Variants in TASP1 observed in about 807,000 individuals in gnomAD.
TASP1 encodes threonine aspartase 1.
TASP1 carries 16 observed loss-of-function variants against 56.6 expected under a neutral mutation model. The ratio of observed to expected loss-of-function variants is 0.28; its 90% confidence interval spans 0.19 to 0.43. The LOEUF is 0.43. Among genes scored for constraint, TASP1 ranks in the 20% least tolerant of loss-of-function variants. The pLI is 1.00. For missense variants in TASP1, 393 were observed against 511.6 expected (o/e 0.77, Z 2.24); for synonymous variants, 179 against 184.2 (o/e 0.97, Z 0.23).
At chr20:13,559,965 A>G (rs982136288) in intron 7 of TASP1, among the ~76,000 whole-genome samples, 2 of 152,236 alleles carry the variant, frequency 1.3e-5, no homozygotes, top group African/African-American at 2.4e-5. Flanking sequence ...ATAATCAGAT[A>G]CAGAATATAA....
chr20:13,303,701 A>AG, the TASP1 span, among the ~76,000 whole-genome samples: 3 of 152,234 alleles, frequency 2.0e-5, no homozygotes, highest in Non-Finnish European at 1.5e-5. Context: ...ATTGGCATTT[A>AG]GTCATTTGCC....
intron 13 of TASP1, among the ~76,000 whole-genome samples, chr20:13,396,919 A>T (rs1600673244): frequency 6.6e-6 from 1 of 152,236 alleles, no homozygotes; most frequent in Non-Finnish European, 1.5e-5. Context: ...GGAGCCTTAA[A>T]ATAAGATTAA....
chr20:13,244,714 TGAG>T, the TASP1 span, among the ~76,000 whole-genome samples: 1 of 152,236 alleles, frequency 6.6e-6, no homozygotes, highest in Non-Finnish European at 1.5e-5. Context: ...CATTTTCTAT[TGAG>T]AAGACATGTC....
At chr20:13,197,885 GT>G in the TASP1 span, among the ~76,000 whole-genome samples, 1 of 152,074 alleles carries the variant, frequency 6.6e-6, no homozygotes, top group Non-Finnish European at 1.5e-5. Flanking sequence ...ATGTTTCCTG[GT>G]TTTGGATATC....
At chr20:13,256,122 G>A in the TASP1 span, among the ~76,000 whole-genome samples, 24 of 152,108 alleles carry the variant, frequency 1.6e-4, no homozygotes, top group Non-Finnish European at 2.9e-4. Flanking sequence ...GAGGACAGGC[G>A]TGGTGGCTCA....
chr20:13,341,941 T>G, the TASP1 span, among the ~76,000 whole-genome samples: 1 of 152,206 alleles, frequency 6.6e-6, no homozygotes, highest in Non-Finnish European at 1.5e-5. Context: ...GGTGGTTCAC[T>G]TTGTGGTCAC....
chr20:13,277,413 C>A, the TASP1 span, among the ~76,000 whole-genome samples: 1 of 97,982 alleles, frequency 1.0e-5, no homozygotes, highest in Non-Finnish European at 2.2e-5. Context: ...CAGCTCAGTT[C>A]CCTCAGATGG....
chr20:13,474,002 G>A (rs2044624850), intron 11 of TASP1, among the ~76,000 whole-genome samples: 1 of 152,136 alleles, frequency 6.6e-6, no homozygotes, highest in African/African-American at 2.4e-5. Flanking sequence ...AGAGCCCAGG[G>A]GGGTTGTAAG....
At chr20:13,215,190 C>T in the TASP1 span, among the ~76,000 whole-genome samples, 33 of 152,318 alleles carry the variant, frequency 2.2e-4, no homozygotes, top group African/African-American at 7.2e-4. Flanking sequence ...GATGCTGCTA[C>T]CAAGTCCCTG....
intron 12 of TASP1, among the ~76,000 whole-genome samples, chr20:13,434,102 G>C (rs1378145560): frequency 6.6e-6 from 1 of 152,024 alleles, no homozygotes; most frequent in Non-Finnish European, 1.5e-5. Context: ...ATAAAGACCA[G>C]AAGGTGTCAA....
chr20:13,215,457 G>A, the TASP1 span, among the ~76,000 whole-genome samples: 32 of 152,308 alleles, frequency 2.1e-4, no homozygotes, highest in African/African-American at 7.7e-4. Flanking sequence ...CAAAGCAAAT[G>A]CAATAAAGGG....
chr20:13,623,557 C>T (rs2048790015), intron 3 of TASP1, 43 bp from the exon 4 acceptor site: 3 of 1,332,746 alleles, frequency 2.3e-6, no homozygotes, highest in Non-Finnish European at 3.2e-6. Context: ...AAAATCACAA[C>T]TTCTCAAACT....
chr20:13,379,950 G>T, the TASP1 span, among the ~76,000 whole-genome samples: 1 of 152,072 alleles, frequency 6.6e-6, no homozygotes, highest in African/African-American at 2.4e-5. Context: ...CTCTAGACTG[G>T]TTATTCTAGT....
At chr20:13,430,170 G>A (rs1165242049) in intron 12 of TASP1, among the ~76,000 whole-genome samples, 2 of 152,142 alleles carry the variant, frequency 1.3e-5, no homozygotes, top group Non-Finnish European at 2.9e-5. Flanking sequence ...GCCTAAAGAT[G>A]GCAACAGAGC....
chr20:13,151,985 TAA>T, the TASP1 span, among the ~76,000 whole-genome samples: 1 of 147,578 alleles, frequency 6.8e-6, no homozygotes, highest in African/African-American at 2.5e-5. Flanking sequence ...CTGCCTCTAC[TAA>T]AAAAAAAAGA....
chr20:13,585,181 C>A lies in TASP1; in HGVS notation c.403+2069G>T, dbSNP rs185135243. Among the ~76,000 whole-genome samples, 3 of 152,210 alleles carry A rather than the reference C, an allele frequency of 2.0e-5. No individual in the cohort carries two copies. In the East Asian group the frequency reaches 5.8e-4, roughly 29 times the overall value. ...TGAGGAAAAAATAAATAAATGTTGA[C>A]CCCTATGTTACATATACAAAAATTA... On this transcript the variant is annotated intron_variant, in intron 5 of 13. Coordinates refer to ENST00000337743, the MANE Select transcript of TASP1 (RefSeq NM_017714.3).
At chr20:13,287,167 T>C in the TASP1 span, among the ~76,000 whole-genome samples, 3 of 152,106 alleles carry the variant, frequency 2.0e-5, no homozygotes, top group African/African-American at 7.2e-5. Context: ...CGAGACTGGG[T>C]AATTTATAAA....
intron 4 of TASP1, among the ~76,000 whole-genome samples, chr20:13,593,604 G>T (rs889184048): frequency 6.6e-6 from 1 of 152,168 alleles, no homozygotes; most frequent in Non-Finnish European, 1.5e-5. Context: ...CACTACTAGC[G>T]CAGCAGTCTG....
intron 9 of TASP1, among the ~76,000 whole-genome samples, chr20:13,531,067 G>C (rs781018426): frequency 6.6e-6 from 1 of 152,120 alleles, no homozygotes; most frequent in African/African-American, 2.4e-5. Context: ...AGGATCATGC[G>C]AATTAACGTA....
Sources: gnomAD v4.1 joint callset for allele counts (sites outside exome capture counted in the v4.1 genomes callset) on GRCh38, gnomAD v4.1.1 for gene constraint, MANE v1.5 for transcripts, NCBI Gene and HGNC (gene_info 2026-07-23, HGNC 2026-07-21) for gene names.